The following PTPRN2 variants were observed in gnomAD, a reference collection of about 807,000 sequenced individuals.
The protein encoded by PTPRN2 is protein tyrosine phosphatase receptor type N2.
A neutral mutation model predicts 118.8 loss-of-function variants in PTPRN2; 74 were observed. The ratio of observed to expected loss-of-function variants is 0.62; its 90% CI spans 0.52 to 0.76. The LOEUF is 0.76. PTPRN2 is among the 30% of genes least tolerant of loss of function. PTPRN2 has a pLI of 0.00. For synonymous variants in PTPRN2, 641 were observed against 608.0 expected (o/e 1.05, Z -0.80); for missense variants, 1,481 against 1,394.4 (o/e 1.06, Z -0.99).
Position 157,982,137 on chromosome 7 carries a change from G to A in PTPRN2, c.1724-83400C>T, listed in dbSNP as rs544101194. ...CAAGGAGGGGAATGCAGAGTGCAGC[G>A]TCCCCCATAAACCCCGAGTCACAGA... On this transcript the variant is annotated intron_variant, in intron 11 of 22. Transcript: ENST00000389418. 3.2e-3 allele frequency among the ~76,000 whole-genome samples: 424 copies of A among 131,082 alleles called. 15 individuals carry two copies. The highest frequency in any genetic ancestry group is 0.013 in the Middle Eastern group (3 of 230). The allele number at this position is 131,082 out of a possible 152,430, so 86.0% of individuals were successfully genotyped here. A position where few individuals can be genotyped will look rare whatever the true frequency, so the allele number is the denominator to read the frequency against.
In PTPRN2 at chr7:157,732,009, A is replaced by G. The variant is rs9801598; in HGVS notation, c.1789-49072T>C. Among the ~76,000 whole-genome samples the G allele has an allele frequency of 5.3e-4, 43 of 81,140 alleles. 2 individuals are homozygous for G. Among genetic ancestry groups the G allele is most frequent in the East Asian group, 4.5e-3 (14 of 3,110 alleles). The allele number at this position is 81,140 out of a possible 152,430, so 53.2% of individuals were successfully genotyped here. On this transcript the variant is annotated intron_variant, in intron 12 of 22. Transcript: ENST00000389418. ...CAGCACAGTTACCCTTTCCCGTCCC[A>G]TGGCCCAGCACAGTTACCCTTTTCC...
At chr7:158,212,398 A>C (rs1301969444) in intron 3 of PTPRN2, among the ~76,000 whole-genome samples, 1 of 152,206 alleles carries the variant, frequency 6.6e-6, no homozygotes, top group Non-Finnish European at 1.5e-5. Context: ...ATTATTTGTA[A>C]CACAATGAAA....
chr7:157,630,020 A>T (rs561675443), intron 14 of PTPRN2, among the ~76,000 whole-genome samples: 64 of 152,372 alleles, frequency 4.2e-4, no homozygotes, highest in African/African-American at 1.5e-3. Flanking sequence ...GTCTTCATTA[A>T]TACATGAACG....
chr7:158,294,457 G>A (rs797006335), intron 3 of PTPRN2, among the ~76,000 whole-genome samples: 4 of 152,280 alleles, frequency 2.6e-5, no homozygotes, highest in East Asian at 1.9e-4. Flanking sequence ...TTACTCTGGC[G>A]TCAACTATTC....
chr7:158,034,665 G>C (rs1807970365), intron 11 of PTPRN2, among the ~76,000 whole-genome samples: 1 of 152,214 alleles, frequency 6.6e-6, no homozygotes, highest in Non-Finnish European at 1.5e-5. Flanking sequence ...ACACAGGCTG[G>C]GAGGGGCCCA....
chr7:158,214,190 G>A (rs1410775751), intron 3 of PTPRN2, among the ~76,000 whole-genome samples: 1 of 151,986 alleles, frequency 6.6e-6, no homozygotes, highest in South Asian at 2.1e-4. Flanking sequence ...TGGGAAGAAG[G>A]AATCCACTCC....
rs1343586886 is a variant in PTPRN2 at position 157,540,461 on chromosome 7, A to AT, written c.*252dup. The AT allele has an allele frequency of 5.1e-5, 20 of 389,338 alleles. No individual in the cohort carries two copies. The highest frequency in any genetic ancestry group is 8.7e-5 in the Admixed American group (2 of 23,086). The allele number at this position is 389,338 out of a possible 1,614,324, so 24.1% of individuals were successfully genotyped here. Reference sequence around the variant, plus strand: ...GTGAACGGGTGCTTTAAGAAAAAGTATTTTTTTTAAGCAAGTGAAAATTGA... The same window carrying AT: ...GTGAACGGGTGCTTTAAGAAAAAGTATTTTTTTTTAAGCAAGTGAAAATTGA... On this transcript the variant is annotated 3_prime_UTR_variant, in exon 23 of 23. Transcript: ENST00000389418.
intron 11 of PTPRN2, among the ~76,000 whole-genome samples, chr7:158,002,825 T>C (rs975050575): frequency 1.3e-5 from 2 of 152,154 alleles, no homozygotes; most frequent in Non-Finnish European, 2.9e-5. Flanking sequence ...CACAAGGCTC[T>C]TCAACAAGCC....
At chr7:158,344,746 G>A (rs1385716049) in intron 2 of PTPRN2, among the ~76,000 whole-genome samples, 1 of 152,098 alleles carries the variant, frequency 6.6e-6, no homozygotes, top group Admixed American at 6.5e-5. Context: ...TGCACGATTT[G>A]CAATGTGCAG....
rs193027151 is a variant in PTPRN2 at position 158,112,088 on chromosome 7, C to T, written c.1557-1173G>A. On this transcript the variant is annotated intron_variant, in intron 9 of 22. Transcript: ENST00000389418. ...CCTCCTCAGCCTCAGGGGAACCAGC[C>T]CTGCCCACACCTGGGTCTTGGACTT... 8.7e-4 allele frequency among the ~76,000 whole-genome samples: 133 copies of T among 152,302 alleles called. 1 individual carries two copies. The highest frequency in any genetic ancestry group is 2.2e-3 in the Admixed American group (34 of 15,300).
At chr7:158,182,039 A>G (rs1824754763) in intron 5 of PTPRN2, among the ~76,000 whole-genome samples, 1 of 152,184 alleles carries the variant, frequency 6.6e-6, no homozygotes, top group Admixed American at 6.5e-5. Flanking sequence ...TTTCTGATAT[A>G]GGCATTTAGC....
At chr7:158,534,729 T>A (rs1182267547) in intron 1 of PTPRN2, among the ~76,000 whole-genome samples, 1 of 152,178 alleles carries the variant, frequency 6.6e-6, no homozygotes, top group African/African-American at 2.4e-5. Context: ...TGCCCGGGCA[T>A]GTTTCACCTC....
intron 9 of PTPRN2, among the ~76,000 whole-genome samples, chr7:158,113,653 T>C (rs1001436461): frequency 1.3e-5 from 2 of 152,110 alleles, no homozygotes; most frequent in African/African-American, 4.8e-5. Context: ...GCAGCTGCAC[T>C]AGCTGGAGAG....
chr7:158,057,160 T>A (rs1358297431), intron 11 of PTPRN2, among the ~76,000 whole-genome samples: 1 of 152,228 alleles, frequency 6.6e-6, no homozygotes, highest in East Asian at 1.9e-4. Flanking sequence ...TTCTATTTTA[T>A]GATAAATACA....
chr7:158,498,940 C>G (rs1822156995), intron 1 of PTPRN2, among the ~76,000 whole-genome samples: 2 of 152,190 alleles, frequency 1.3e-5, no homozygotes, highest in African/African-American at 4.8e-5. Context: ...AACCACACAG[C>G]CTACCCTGCT....
chr7:157,926,275 C>T (rs888891456), intron 11 of PTPRN2, among the ~76,000 whole-genome samples: 1 of 152,142 alleles, frequency 6.6e-6, no homozygotes, highest in South Asian at 2.1e-4. Flanking sequence ...GCATTACATC[C>T]TTCCATCTAT....
chr7:158,341,119 A>ACT (rs1277120899), intron 2 of PTPRN2, among the ~76,000 whole-genome samples: 13 of 45,274 alleles, frequency 2.9e-4, no homozygotes, highest in Admixed American at 4.9e-4. Flanking sequence ...TCACACCCAC[A>ACT]CGTCACTCAC....
At chr7:158,315,912 C>T (rs1802280948) in intron 3 of PTPRN2, among the ~76,000 whole-genome samples, 1 of 152,180 alleles carries the variant, frequency 6.6e-6, no homozygotes, top group Non-Finnish European at 1.5e-5. Context: ...AGCCTCTTTC[C>T]CCAGCCACCC....
chr7:158,579,845 A>G (rs1705951149), intron 1 of PTPRN2, among the ~76,000 whole-genome samples: 1 of 152,254 alleles, frequency 6.6e-6, no homozygotes, highest in Non-Finnish European at 1.5e-5. Context: ...AAGCAGGCAC[A>G]TGGATGCCGC....
Sources: gnomAD v4.1 joint callset for allele counts (sites outside exome capture counted in the v4.1 genomes callset) on GRCh38, gnomAD v4.1.1 for gene constraint, MANE v1.5 for transcripts, NCBI Gene and HGNC (gene_info 2026-07-23, HGNC 2026-07-21) for gene names.